FH: variants seen among roughly 807,000 people sequenced by gnomAD.
The protein encoded by FH is fumarate hydratase, mitochondrial.
Under a neutral mutation model 49.4 loss-of-function variants are expected in FH, and 22 were observed. The ratio of observed to expected loss-of-function variants is 0.45; its 90% CI spans 0.32 to 0.64. The LOEUF is 0.64. Among genes scored for constraint, FH ranks in the 30% least tolerant of loss-of-function variants. FH has a pLI of 0.05. For synonymous variants in FH, 208 were observed against 223.0 expected (o/e 0.93, Z 0.60); for missense variants, 526 against 641.5 (o/e 0.82, Z 1.95).
chr1:241,507,202 C>T (rs982731719), intron 5 of FH, among the ~76,000 whole-genome samples: 1 of 152,144 alleles, frequency 6.6e-6, no homozygotes, highest in Non-Finnish European at 1.5e-5. Flanking sequence ...TACACAAATA[C>T]TTACCATTGT....
rs1270054582 is a variant in FH at position 241,517,288 on chromosome 1, T to C, written c.161A>G (p.Tyr54Cys). ...MASQNSFRIE[Y>C]DTFGELKVPN... ...CACCTTTAGTTCACCAAAGGTATCA[T>C]ATTCTATCCGGAAGGAATTTTGGCT... Residue 54 changes from tyrosine to cysteine, a missense_variant, in exon 2 of 10, where the codon TAT becomes TGT. Transcript: ENST00000366560. 6.2e-7 allele frequency: 1 copy of C among 1,614,186 alleles called. No individual in the cohort carries two copies. Among genetic ancestry groups the C allele is most frequent in the Middle Eastern group, 1.6e-4 (1 of 6,062 alleles).
Position 241,519,592 on chromosome 1 carries a change from A to T in FH, c.131T>A (p.Met44Lys). Residue 44 changes from methionine (M) to lysine (K), a missense_variant and splice_region_variant, in exon 1 of 10, where the codon ATG (methionine) becomes AAG (lysine). Coordinates refer to ENST00000366560, the MANE Select transcript of FH (RefSeq NM_000143.4). The part of the protein sequence containing the change: ...PSFWPPNAAR[M>K]ASQNSFRIEY... ...CGGGGGATGGCGGCCTGCGCTCACC[A>T]TTCGAGCCGCGTTCGGAGGCCAAAA... is the stretch of plus-strand genomic sequence containing the variant. 6.5e-7 allele frequency: 1 copy of T among 1,547,352 alleles called. No homozygotes were observed. Among genetic ancestry groups the T allele is most frequent in the South Asian group, 1.2e-5 (1 of 83,892 alleles).
In FH at chr1:241,511,995, T is replaced by C. The variant is rs1158759883; in HGVS notation, c.527A>G (p.His176Arg). The change falls in exon 4 of 10, where the codon CAT becomes CGT. Residue 176 changes from histidine (H) to arginine (R), a missense_variant. His to Arg is a conservative substitution (Grantham distance 29). Coordinates refer to ENST00000366560, the MANE Select transcript of FH (RefSeq NM_000143.4). ...GCTTTTATTAACATGATCGTTGGGA[T>C]GCACAGGTATCTTGCTGCCAAGTTC... ...GGELGSKIPV[H>R]PNDHVNKSQS... 6.2e-7 allele frequency: 1 copy of C among 1,614,018 alleles called. No individual in the cohort carries two copies. Among genetic ancestry groups the C allele is most frequent in the East Asian group, 2.2e-5 (1 of 44,854 alleles).
intron 2 of FH, among the ~76,000 whole-genome samples, chr1:241,514,181 G>C (rs1326672578): frequency 2.0e-5 from 3 of 152,008 alleles, no homozygotes; most frequent in Non-Finnish European, 4.4e-5. Context: ...AAATAAATAA[G>C]GGATATATTT....
chr1:241,501,743 ATG>A lies in FH; in HGVS notation c.1236+698_1236+699del, dbSNP rs563481449. On this transcript the variant is annotated intron_variant, in intron 8 of 9. Transcript: ENST00000366560. Reference sequence around the variant, plus strand: ...ACTTTAGCTATAACACTTTGTCCAAATGAAGGACTCTAAATTATGGCAACAGC... The same window carrying A: ...ACTTTAGCTATAACACTTTGTCCAAAAAGGACTCTAAATTATGGCAACAGC... 5.9e-5 allele frequency among the ~76,000 whole-genome samples: 9 copies of A among 152,308 alleles called. No homozygotes were observed. In the East Asian group the frequency reaches 1.3e-3, roughly 23 times the overall value.
intron 2 of FH, among the ~76,000 whole-genome samples, chr1:241,513,946 C>T (rs1231239144): frequency 6.6e-6 from 1 of 152,142 alleles, no homozygotes; most frequent in Non-Finnish European, 1.5e-5. Flanking sequence ...AATACATTGA[C>T]TCTTCATATA....
At chr1:241,502,088 G>A (rs1298832084) in intron 8 of FH, among the ~76,000 whole-genome samples, 1 of 143,914 alleles carries the variant, frequency 6.9e-6, no homozygotes, top group Non-Finnish European at 1.5e-5. Flanking sequence ...AGCGTGGAGG[G>A]GGCCATGCTG....
chr1:241,502,703 G>T (rs1487330690), intron 7 of FH, 133 bp from the exon 8 acceptor site: 2 of 1,097,616 alleles, frequency 1.8e-6, no homozygotes, highest in East Asian at 5.1e-5. Context: ...GTAATTTAAT[G>T]AAACAAACCA....
chr1:241,519,179 C>A, intron 1 of FH: 1 of 205,286 alleles, frequency 4.9e-6, no homozygotes, highest in Non-Finnish European at 1.0e-5. Context: ...CAGGACGGTG[C>A]GGGAGCTGCC....
Position 241,502,500 on chromosome 1 carries a change from A to T in FH, c.1179T>A (p.Ala393=), listed in dbSNP as rs1659806501. 2 of 1,614,056 alleles carry T rather than the reference A, an allele frequency of 1.2e-6. No homozygotes were observed. The highest frequency in any genetic ancestry group is 2.7e-5 in the African/African-American group (2 of 74,936). The stretch of plus-strand genomic sequence containing the variant: ...GTCCATTGCTGCCTCCGACAGTGAC[A>T]GCAACATGGTTCCCCATGACTTGGG... ...VAAQVMGNHV[A]VTVGGSNGHF... Residue 393 remains alanine, a synonymous_variant, in exon 8 of 10, where the codon GCT becomes GCA. Transcript: ENST00000366560.
In FH at chr1:241,512,010, C is replaced by T. The variant is rs1157774951; in HGVS notation, c.512G>A (p.Ser171Asn). The T allele has an allele frequency of 6.2e-7, 1 of 1,613,974 alleles. No individual in the cohort carries two copies. ...AIEMLGGELG[S>N]KIPVHPNDHV... ...ATCGTTGGGATGCACAGGTATCTTG[C>T]TGCCAAGTTCACCTCCTAACATTTC... Residue 171 changes from serine (S) to asparagine (N), a missense_variant, in exon 4 of 10, where the codon AGC (serine) becomes AAC (asparagine). Transcript: ENST00000366560.
intron 9 of FH, among the ~76,000 whole-genome samples, chr1:241,498,287 C>T (rs929460002): frequency 1.3e-5 from 2 of 152,018 alleles, no homozygotes; most frequent in African/African-American, 4.8e-5. Context: ...TAAAAATATA[C>T]ATCTGGGTAT....
At chr1:241,502,917 A>G (rs1237389385) in intron 7 of FH, among the ~76,000 whole-genome samples, 3 of 152,238 alleles carry the variant, frequency 2.0e-5, no homozygotes, top group African/African-American at 4.8e-5. Flanking sequence ...AGGGAGAAAG[A>G]GCTGGCAATT....
chr1:241,498,700 T>C (rs1246895376), intron 9 of FH, among the ~76,000 whole-genome samples: 13 of 11,230 alleles, frequency 1.2e-3, no homozygotes, highest in Non-Finnish European at 7.9e-4. Flanking sequence ...TTAACATATA[T>C]ATATATATAT....
intron 3 of FH, among the ~76,000 whole-genome samples, chr1:241,513,310 A>T (rs1660136605): frequency 1.3e-5 from 2 of 152,286 alleles, no homozygotes; most frequent in South Asian, 4.1e-4. Context: ...TAAAATAAAA[A>T]ATCAAGTAAA....
intron 7 of FH, 149 bp downstream of exon 7, chr1:241,503,893 T>C: frequency 1.2e-6 from 1 of 839,584 alleles, no homozygotes; most frequent in East Asian, 2.6e-5. Flanking sequence ...CCAGCAGTCC[T>C]GACCAGAGGA....
At position 241,506,015 on chromosome 1, in the gene FH, C is replaced by A. The variant is rs201395553; in HGVS notation, c.892G>T (p.Ala298Ser). The change falls in exon 6 of 10, where the codon GCT (alanine) becomes TCT (serine). Residue 298 changes from alanine to serine, a missense_variant. Coordinates refer to ENST00000366560, the MANE Select transcript of FH (RefSeq NM_000143.4). ...GFAEKVAAKVAALTGLPFVTA... is the reference protein window; with the variant it reads ...GFAEKVAAKVSALTGLPFVTA... The stretch of plus-strand genomic sequence containing the variant: ...CGTGATCACTAACCTGTAAGTGCAG[C>A]CACTTTTGCAGCAACCTTTTCTGCA... 2 of 1,613,800 alleles carry A rather than the reference C, an allele frequency of 1.2e-6. No homozygotes were observed. The highest frequency in any genetic ancestry group is 1.7e-6 in the Non-Finnish European group (2 of 1,179,892).
chr1:241,518,244 C>A (rs1660271556), intron 1 of FH, among the ~76,000 whole-genome samples: 1 of 152,126 alleles, frequency 6.6e-6, no homozygotes, highest in African/African-American at 2.4e-5. Context: ...CTAGAAAAAA[C>A]AAAAACTACC....
chr1:241,504,033 T>A lies in FH; in HGVS notation c.1108+9A>T. The A allele has an allele frequency of 6.2e-7, 1 of 1,612,400 alleles. No homozygotes were observed. ...TTTTAGCTCCAACATTTACTAGCTATGTGATTACCTGGCATGATACTGCTT... is the reference window on the plus strand; with the variant it reads ...TTTTAGCTCCAACATTTACTAGCTAAGTGATTACCTGGCATGATACTGCTT... On this transcript the variant is annotated intron_variant, in intron 7 of 9. Coordinates refer to ENST00000366560, the MANE Select transcript of FH (RefSeq NM_000143.4).
Sources: allele counts gnomAD v4.1 joint callset (sites outside exome capture counted in the v4.1 genomes callset), GRCh38; gene constraint gnomAD v4.1.1; transcripts MANE v1.5; gene names NCBI Gene and HGNC (gene_info 2026-07-23, HGNC 2026-07-21).